The following MDM4 variants were observed in gnomAD, a reference collection of about 807,000 sequenced individuals.
The protein encoded by MDM4 is MDM4 regulator of p53, also known as protein Mdm4.
A neutral mutation model predicts 60.2 loss-of-function variants in MDM4; 2 were observed. The observed-to-expected ratio is 0.03, with a 90% CI of 0.01 to 0.10. The LOEUF is 0.10. Ranked by LOEUF, MDM4 falls within the 10% of genes least tolerant of loss-of-function variation. The pLI, the probability that MDM4 is intolerant of heterozygous loss-of-function variation, is 1.00. For missense variants in MDM4, 447 were observed against 577.5 expected (o/e 0.77, Z 2.32); for synonymous variants, 202 against 198.1 (o/e 1.02, Z -0.17).
intron 5 of MDM4, chr1:204,537,093 G>T: frequency 3.4e-6 from 1 of 292,360 alleles, no homozygotes; most frequent in Non-Finnish European, 6.5e-6. Flanking sequence ...TATATAGGAA[G>T]AGATGACAAA....
chr1:204,528,985 T>TGG (rs1660553241), intron 3 of MDM4: 2 of 1,536,582 alleles, frequency 1.3e-6, no homozygotes, highest in Non-Finnish European at 1.8e-6. Flanking sequence ...TCAAGCTGTC[T>TGG]GGCAGGATTG....
intron 5 of MDM4, chr1:204,532,954 C>T: frequency 1.0e-6 from 1 of 957,882 alleles, no homozygotes; most frequent in Non-Finnish European, 1.5e-6. Flanking sequence ...TCTGTTTAAT[C>T]ACATCAGAGT....
At chr1:204,526,549 C>T (rs552609326) in intron 3 of MDM4, 115 bp downstream of exon 3, 9 of 718,608 alleles carry the variant, frequency 1.3e-5, no homozygotes, top group African/African-American at 5.5e-5. Context: ...CTGCAAGCTC[C>T]GCCTCCTGGG....
chr1:204,544,806 A>T (rs1662486945), intron 9 of MDM4, 122 bp downstream of exon 9: 1 of 906,586 alleles, frequency 1.1e-6, no homozygotes, highest in Non-Finnish European at 1.6e-6. Flanking sequence ...AACTTTAATT[A>T]ATTTTTCAAT....
Position 204,550,144 on chromosome 1 carries a change from T to TG in MDM4, c.*463dup. ...CTCTCACCCTAGTTTTTTTTTTTTT[T>TG]GCACTTTTTTTTTTCCGGGGGTATA... On this transcript the variant is annotated 3_prime_UTR_variant, in exon 11 of 11. Transcript: ENST00000367182. The TG allele has an allele frequency of 4.3e-6, 1 of 233,928 alleles. No individual in the cohort carries two copies. The highest frequency in any genetic ancestry group is 1.8e-4 in the South Asian group (1 of 5,566). The allele number at this position is 233,928 out of a possible 1,614,324, so 14.5% of individuals were successfully genotyped here. A position where few individuals can be genotyped will look rare whatever the true frequency, so the allele number is the denominator to read the frequency against.
chr1:204,549,263 A>G lies in MDM4; in HGVS notation c.1054A>G (p.Lys352Glu). The G allele has an allele frequency of 6.2e-7, 1 of 1,614,214 alleles. No homozygotes were observed. Among genetic ancestry groups the G allele is most frequent in the Non-Finnish European group, 8.5e-7 (1 of 1,180,036 alleles). Residue 352 changes from lysine (K) to glutamate (E), a missense_variant, in exon 11 of 11, where the codon AAG becomes GAG. Physicochemically the swap from Lys to Glu is moderately conservative, Grantham distance 56. Coordinates refer to ENST00000367182, the MANE Select transcript of MDM4 (RefSeq NM_002393.5). ...GTCTGATATCACTGCCATACCTGAA[A>G]AGGAAAATGAAGGAAATGATGTCCC... ...STSDITAIPEKENEGNDVPDC... is the reference protein window; with the variant it reads ...STSDITAIPEEENEGNDVPDC...
chr1:204,522,624 G>A (rs1350895938), intron 1 of MDM4, among the ~76,000 whole-genome samples: 1 of 151,914 alleles, frequency 6.6e-6, no homozygotes, highest in East Asian at 1.9e-4. Context: ...TTGATCTCTT[G>A]ACCTCATGAT....
At chr1:204,545,034 T>C (rs1662510835) in intron 9 of MDM4, among the ~76,000 whole-genome samples, 1 of 152,128 alleles carries the variant, frequency 6.6e-6, no homozygotes, top group South Asian at 2.1e-4. Flanking sequence ...CACAAATTCA[T>C]AAACTTTTAA....
intron 10 of MDM4, among the ~76,000 whole-genome samples, chr1:204,547,449 A>T (rs1563828): frequency 6.6e-6 from 1 of 151,918 alleles, no homozygotes; most frequent in African/African-American, 2.4e-5. Flanking sequence ...TTTTGTTGCT[A>T]TTTCCCCATG....
chr1:204,556,424 G>A lies in MDM4; in HGVS notation c.*6742G>A, dbSNP rs144556470. Reference sequence around the variant, plus strand: ...CTAAGAAATTGAGGTCAGGCCAGGCGCGGTGGTTCACTCCTGTTATTCCAG... The same window carrying A: ...CTAAGAAATTGAGGTCAGGCCAGGCACGGTGGTTCACTCCTGTTATTCCAG... On this transcript the variant is annotated 3_prime_UTR_variant, in exon 11 of 11. Transcript: ENST00000367182. 10 of 226,694 alleles carry A rather than the reference G, an allele frequency of 4.4e-5. No homozygotes were observed. The highest frequency in any genetic ancestry group is 2.5e-4 in the East Asian group (4 of 15,878). 14.0% of individuals were successfully genotyped at this position (226,694 alleles called of 1,614,324 possible).
At chr1:204,536,930 G>A (rs1428427131) in intron 5 of MDM4, 2 of 410,626 alleles carry the variant, frequency 4.9e-6, no homozygotes, top group Non-Finnish European at 9.5e-6. Flanking sequence ...TGTCGCTTTA[G>A]ATGAAGATGC....
Position 204,549,991 on chromosome 1 carries a change from G to C in MDM4, c.*309G>C. On this transcript the variant is annotated 3_prime_UTR_variant, in exon 11 of 11. Coordinates refer to ENST00000367182, the MANE Select transcript of MDM4 (RefSeq NM_002393.5). ...TACAATATTGAGGTATAATTAACATGATAAAGTGTTTCCTTCTAACGAGTT... is the reference window on the plus strand; with the variant it reads ...TACAATATTGAGGTATAATTAACATCATAAAGTGTTTCCTTCTAACGAGTT... The C allele has an allele frequency of 3.7e-6, 1 of 269,556 alleles. No individual in the cohort carries two copies. The highest frequency in any genetic ancestry group is 7.0e-6 in the Non-Finnish European group (1 of 142,868). 16.7% of individuals were successfully genotyped at this position (269,556 alleles called of 1,614,324 possible).
At chr1:204,526,251 G>T in intron 2 of MDM4, 109 bp from the exon 3 acceptor site, 1 of 869,102 alleles carries the variant, frequency 1.2e-6, no homozygotes, top group Non-Finnish European at 1.9e-6. Context: ...GCAAGACCTT[G>T]CCTCAAAAAA....
In MDM4 at chr1:204,526,383, G is replaced by A. The variant is rs2102321571; in HGVS notation, c.102G>A (p.Leu34=). The change falls in exon 3 of 11, where the codon TTG becomes TTA. Residue 34 remains leucine (L), a synonymous_variant. Coordinates refer to ENST00000367182, the MANE Select transcript of MDM4 (RefSeq NM_002393.5). ...AGGTACGACCAAAACTGCCGCTTTT[G>A]AAGATTTTGCATGCAGCAGGTGCGC... ...INQVRPKLPL[L]KILHAAGAQG... The A allele has an allele frequency of 1.2e-6, 2 of 1,613,812 alleles. No individual in the cohort carries two copies. Among genetic ancestry groups the A allele is most frequent in the Non-Finnish European group, 1.7e-6 (2 of 1,179,858 alleles).
chr1:204,532,862 A>G (rs368225518), intron 5 of MDM4: 20 of 1,590,548 alleles, frequency 1.3e-5, no homozygotes, highest in Admixed American at 5.5e-5. Context: ...TACCCTCTCT[A>G]TTTTTGGTAA....
intron 10 of MDM4, among the ~76,000 whole-genome samples, chr1:204,547,896 TA>T (rs1284204446): frequency 6.6e-6 from 1 of 152,206 alleles, no homozygotes; most frequent in Non-Finnish European, 1.5e-5. Context: ...GCTAATTTTG[TA>T]TTTTTAGTAG....
At position 204,525,540 on chromosome 1, in the gene MDM4, G is replaced by A. The variant is rs115828402; in HGVS notation, c.22G>A (p.Ala8Thr). The change falls in exon 2 of 11, where the codon GCT becomes ACT. Residue 8 changes from alanine (A) to threonine (T), a missense_variant. This residue lies in a region of MDM4 where 33 missense variants were observed against 28.8 expected (regional missense o/e 1.15). Transcript: ENST00000367182. The part of the protein sequence containing the change: MTSFSTS[A>T]QCSTSDSACR... ...CAAAATGACATCATTTTCCACCTCT[G>A]CTCAGTGTTCAACATCTGACAGTGC... is the stretch of plus-strand genomic sequence containing the variant. 1,236 of 1,611,496 alleles carry A rather than the reference G, an allele frequency of 7.7e-4. 9 individuals carry two copies. In the African/African-American group the frequency reaches 0.015, roughly 19 times the overall value.
chr1:204,521,407 C>CT (rs942019977), intron 1 of MDM4, among the ~76,000 whole-genome samples: 1 of 151,892 alleles, frequency 6.6e-6, no homozygotes, highest in African/African-American at 2.4e-5. Flanking sequence ...TGTTTTCTTT[C>CT]TTTTTTTTAA....
rs114090613 is a variant in MDM4, at chr1:204,524,434, G to T, written c.-35-1050G>T. ...TTAGTCATCAGTTTTAATAATTGTT[G>T]CCTTTTGTTAGAAAAAGGCATAAAT... On this transcript the variant is annotated intron_variant, in intron 1 of 10. Coordinates refer to ENST00000367182, the MANE Select transcript of MDM4 (RefSeq NM_002393.5). 7.0e-3 allele frequency among the ~76,000 whole-genome samples: 1,068 copies of T among 152,200 alleles called. 8 individuals carry two copies. Among genetic ancestry groups the T allele is most frequent in the African/African-American group, 0.024 (999 of 41,526 alleles).
Sources: allele counts gnomAD v4.1 joint callset (sites outside exome capture counted in the v4.1 genomes callset), GRCh38; gene constraint gnomAD v4.1.1; regional missense constraint gnomAD v4.1.1; transcripts MANE v1.5; gene names NCBI Gene and HGNC (gene_info 2026-07-23, HGNC 2026-07-21).